SAMD4A: variants seen among roughly 807,000 people sequenced by gnomAD.
SAMD4A encodes the protein sterile alpha motif domain containing 4A.
In SAMD4A, 33 loss-of-function variants were observed where a neutral mutation model predicts 81.3. That is an observed-to-expected ratio of 0.41 (90% CI 0.31 to 0.54). The LOEUF is 0.54. Ranked by LOEUF, SAMD4A falls within the 20% of genes least tolerant of loss-of-function variation. SAMD4A has a pLI of 0.37. For missense variants in SAMD4A, 854 were observed against 951.1 expected (o/e 0.90, Z 1.34); for synonymous variants, 389 against 382.1 (o/e 1.02, Z -0.21).
chr14:54,763,570 A>G (rs2038460671), intron 7 of SAMD4A, among the ~76,000 whole-genome samples: 1 of 152,200 alleles, frequency 6.6e-6, no homozygotes, highest in Admixed American at 6.5e-5. Flanking sequence ...AAGGCAAGAA[A>G]TAAATGGGAT....
At chr14:54,608,819 G>A (rs2034284349) in intron 2 of SAMD4A, among the ~76,000 whole-genome samples, 1 of 152,172 alleles carries the variant, frequency 6.6e-6, no homozygotes, top group South Asian at 2.1e-4. Context: ...AGAAGCAATA[G>A]CATGGTCTCC....
At chr14:54,689,393 C>T (rs1044738610) in intron 2 of SAMD4A, among the ~76,000 whole-genome samples, 16 of 152,276 alleles carry the variant, frequency 1.1e-4, no homozygotes, top group African/African-American at 3.1e-4. Context: ...AGCTAACAAC[C>T]ACATAGTACT....
At chr14:54,784,740 T>A in intron 12 of SAMD4A, 120 bp downstream of exon 12, 1 of 893,896 alleles carries the variant, frequency 1.1e-6, no homozygotes, top group Non-Finnish European at 1.9e-6. Context: ...CAAGGAGGGG[T>A]AGGCAGGGGA....
chr14:54,738,373 G>A (rs2057367), intron 4 of SAMD4A, among the ~76,000 whole-genome samples: 61,001 of 151,912 alleles, frequency 0.4, 14,264 homozygotes, highest in Non-Finnish European at 0.55. Flanking sequence ...GTCAACTCTG[G>A]GAATGAGGCT....
At chr14:54,618,160 CATGGAGCTATATGGT>C (rs1310029164) in intron 2 of SAMD4A, among the ~76,000 whole-genome samples, 2 of 152,130 alleles carry the variant, frequency 1.3e-5, no homozygotes, top group Non-Finnish European at 2.9e-5. Context: ...TTAAAATTGG[CATGGAGCTATATGGT>C]ATTGCTGATG....
intron 2 of SAMD4A, among the ~76,000 whole-genome samples, chr14:54,616,458 T>C (rs1375520527): frequency 3.3e-5 from 5 of 152,228 alleles, no homozygotes; most frequent in South Asian, 4.1e-4. Context: ...CTTCGTATCA[T>C]TGTATGTAGC....
chr14:54,584,839 C>A (rs956811445), intron 2 of SAMD4A, among the ~76,000 whole-genome samples: 1 of 152,138 alleles, frequency 6.6e-6, no homozygotes, highest in Non-Finnish European at 1.5e-5. Flanking sequence ...AGTATACTTT[C>A]TCTTGTGCCT....
intron 2 of SAMD4A, among the ~76,000 whole-genome samples, chr14:54,690,541 C>T (rs2036406693): frequency 6.6e-6 from 1 of 151,998 alleles, no homozygotes; most frequent in Non-Finnish European, 1.5e-5. Flanking sequence ...AGAAATGGAG[C>T]CCTTCTCCAA....
At chr14:54,597,500 C>G (rs962363917) in intron 2 of SAMD4A, among the ~76,000 whole-genome samples, 1 of 151,500 alleles carries the variant, frequency 6.6e-6, no homozygotes, top group Non-Finnish European at 1.5e-5. Context: ...GTCTTGAACT[C>G]CTGATCTCAG....
At chr14:54,715,343 A>G (rs1198708480) in intron 3 of SAMD4A, among the ~76,000 whole-genome samples, 2 of 152,156 alleles carry the variant, frequency 1.3e-5, no homozygotes, top group East Asian at 1.9e-4. Flanking sequence ...CTTCCAAAGT[A>G]GAATCTTCAA....
chr14:54,637,846 G>A (rs2035073730), intron 2 of SAMD4A, among the ~76,000 whole-genome samples: 1 of 152,154 alleles, frequency 6.6e-6, no homozygotes, highest in African/African-American at 2.4e-5. Flanking sequence ...TTTCTCCTTT[G>A]TTTCATGTGC....
In SAMD4A at chr14:54,613,832, G is replaced by C. The variant is rs147586380; in HGVS notation, c.196+45720G>C. Among the ~76,000 whole-genome samples, 285 of 152,316 alleles carry C rather than the reference G, an allele frequency of 1.9e-3. 3 individuals are homozygous for C. The highest frequency in any genetic ancestry group is 0.015 in the Admixed American group (237 of 15,304). On this transcript the variant is annotated intron_variant, in intron 2 of 12. Coordinates refer to ENST00000554335, the MANE Select transcript of SAMD4A (RefSeq NM_015589.6). The stretch of plus-strand genomic sequence containing the variant: ...TAAGGTCCTTTCAGAGGATCTGCAA[G>C]GTCAAACCCGTTTTCACAATAACGC...
intron 4 of SAMD4A, among the ~76,000 whole-genome samples, chr14:54,746,243 G>C (rs772854696): frequency 6.6e-6 from 1 of 152,074 alleles, no homozygotes; most frequent in Non-Finnish European, 1.5e-5. Context: ...TTGTTTTTCC[G>C]TTCTCCTTAC....
chr14:54,621,506 T>C (rs2034614854), intron 2 of SAMD4A, among the ~76,000 whole-genome samples: 1 of 149,356 alleles, frequency 6.7e-6, no homozygotes, highest in Admixed American at 6.7e-5. Flanking sequence ...GGCACCACCA[T>C]GCCCAAATAA....
At chr14:54,660,095 A>T (rs59793891) in intron 2 of SAMD4A, among the ~76,000 whole-genome samples, 2 of 151,834 alleles carry the variant, frequency 1.3e-5, no homozygotes, top group Non-Finnish European at 2.9e-5. Flanking sequence ...AAAAAAAAAA[A>T]GGGCCTTTTG....
intron 2 of SAMD4A, among the ~76,000 whole-genome samples, chr14:54,691,391 T>A (rs952582260): frequency 1.3e-5 from 2 of 152,028 alleles, no homozygotes; most frequent in African/African-American, 4.8e-5. Context: ...GAGCCCTAGG[T>A]CTACTCAATT....
intron 2 of SAMD4A, among the ~76,000 whole-genome samples, chr14:54,640,014 T>C (rs1040925801): frequency 7.0e-6 from 1 of 142,752 alleles, no homozygotes; most frequent in African/African-American, 2.6e-5. Flanking sequence ...AACCAAAATA[T>C]CTATGTTTGA....
At chr14:54,588,883 A>C (rs554379931) in intron 2 of SAMD4A, among the ~76,000 whole-genome samples, 1 of 152,302 alleles carries the variant, frequency 6.6e-6, no homozygotes, top group East Asian at 1.9e-4. Context: ...AGGATTTTTA[A>C]GAGCAAATGA....
At chr14:54,766,301 G>T (rs538846838) in intron 8 of SAMD4A, among the ~76,000 whole-genome samples, 15 of 152,094 alleles carry the variant, frequency 9.9e-5, no homozygotes, top group African/African-American at 3.6e-4. Context: ...GTTACAACTC[G>T]TCCATTCCCT....
Sources: gnomAD v4.1 joint callset for allele counts (sites outside exome capture counted in the v4.1 genomes callset) on GRCh38, gnomAD v4.1.1 for gene constraint, MANE v1.5 for transcripts, NCBI Gene and HGNC (gene_info 2026-07-23, HGNC 2026-07-21) for gene names.